SHQ1: variants seen among roughly 807,000 people sequenced by gnomAD.
SHQ1 encodes the protein protein SHQ1 homolog.
SHQ1 carries 49 observed loss-of-function variants against 53.8 expected under a neutral mutation model. The observed-to-expected ratio is 0.91, with a 90% CI of 0.72 to 1.16. The LOEUF (loss-of-function observed/expected upper bound fraction) is 1.16, where lower values mean the gene tolerates loss of function less well. SHQ1 is among the 50% of genes most tolerant of loss of function. The probability of loss-of-function intolerance (pLI) is 0.00; values close to 1 mark genes in which losing one functional copy is unlikely to be tolerated. For synonymous variants in SHQ1, 243 were observed against 251.0 expected (o/e 0.97, Z 0.30); for missense variants, 738 against 683.1 (o/e 1.08, Z -0.90).
At chr3:72,844,588 A>G in intron 1 of SHQ1, 165 bp from the exon 2 acceptor site, 1 of 676,018 alleles carries the variant, frequency 1.5e-6, no homozygotes, top group Non-Finnish European at 2.7e-6. Flanking sequence ...TCTTTCCCCA[A>G]CCAAGAAAGT....
At chr3:72,844,221 T>C (rs1435406826) in intron 2 of SHQ1, 138 bp downstream of exon 2, 6 of 700,810 alleles carry the variant, frequency 8.6e-6, no homozygotes, top group South Asian at 7.7e-5. Flanking sequence ...CACTGGACAC[T>C]AAGAAACAAG....
intron 9 of SHQ1, among the ~76,000 whole-genome samples, chr3:72,798,875 T>C (rs2106816235): frequency 6.6e-6 from 1 of 152,348 alleles, no homozygotes; most frequent in South Asian, 2.1e-4. Flanking sequence ...TCTTTTCAAC[T>C]GCTGGTACAT....
At chr3:72,779,433 T>C (rs1309340445) in intron 10 of SHQ1, among the ~76,000 whole-genome samples, 2 of 152,228 alleles carry the variant, frequency 1.3e-5, no homozygotes, top group Non-Finnish European at 2.9e-5. Flanking sequence ...CAGCCATCTC[T>C]CGTGGCAGTA....
At chr3:72,823,834 T>C (rs867282092) in intron 6 of SHQ1, among the ~76,000 whole-genome samples, 4 of 152,248 alleles carry the variant, frequency 2.6e-5, no homozygotes, top group South Asian at 2.1e-4. Context: ...TACATATATA[T>C]GTATTCTTTC....
chr3:72,773,750 T>C (rs999993095), intron 10 of SHQ1, among the ~76,000 whole-genome samples: 6 of 152,134 alleles, frequency 3.9e-5, no homozygotes. Flanking sequence ...TGAGTCAATG[T>C]GGAGTAGGGA....
intron 10 of SHQ1, chr3:72,752,993 G>A: frequency 2.0e-6 from 2 of 985,368 alleles, no homozygotes; most frequent in Non-Finnish European, 2.4e-6. Context: ...TTACCTGCTA[G>A]ATTTATAATA....
chr3:72,835,980 G>A (rs2106938608), intron 4 of SHQ1, among the ~76,000 whole-genome samples: 1 of 152,272 alleles, frequency 6.6e-6, no homozygotes, highest in South Asian at 2.1e-4. Context: ...TCACTAGAAT[G>A]TTCTCTGAGG....
At chr3:72,829,452 A>G (rs1288843115) in intron 5 of SHQ1, among the ~76,000 whole-genome samples, 1 of 152,254 alleles carries the variant, frequency 6.6e-6, no homozygotes, top group African/African-American at 2.4e-5. Context: ...TGTCTTTGGT[A>G]TCTATGACAC....
At chr3:72,789,992 A>C (rs185408178) in intron 10 of SHQ1, among the ~76,000 whole-genome samples, 1 of 152,224 alleles carries the variant, frequency 6.6e-6, no homozygotes, top group Admixed American at 6.5e-5. Context: ...CCTATCTCTT[A>C]TAAGACATAT....
intron 2 of SHQ1, among the ~76,000 whole-genome samples, chr3:72,843,922 A>T (rs1708251974): frequency 6.6e-6 from 1 of 152,362 alleles, no homozygotes; most frequent in South Asian, 2.1e-4. Flanking sequence ...TCATGAGGAG[A>T]AAATTCAATT....
chr3:72,841,127 T>C lies in SHQ1; in HGVS notation c.404A>G (p.Glu135Gly), dbSNP rs1708168072. ...ATTCAAAGCACTTTCTGATACCTCT[T>C]CACAGGGTGTCTGCTCAATTTCCCA... ...FDWEIEQTPC[E>G]EVSESALNPQ... Residue 135 changes from glutamate to glycine, a missense_variant, in exon 4 of 11, where the codon GAA becomes GGA. By Grantham distance (98) the Glu-to-Gly change is moderately conservative (BLOSUM62 -2). Transcript: ENST00000325599. 2 of 1,613,940 alleles carry C rather than the reference T, an allele frequency of 1.2e-6. No individual in the cohort carries two copies. The highest frequency in any genetic ancestry group is 1.7e-6 in the Non-Finnish European group (2 of 1,179,960).
chr3:72,803,373 GCAT>G (rs776146700), intron 9 of SHQ1, among the ~76,000 whole-genome samples: 1 of 152,058 alleles, frequency 6.6e-6, no homozygotes, highest in Non-Finnish European at 1.5e-5. Flanking sequence ...TTAAACCCTA[GCAT>G]CCTTATTCAT....
rs574938027 is a variant in SHQ1, at chr3:72,775,015, TGA to T, written c.1181+17899_1181+17900del. 5.7e-4 allele frequency among the ~76,000 whole-genome samples: 86 copies of T among 152,180 alleles called. No homozygotes were observed. In the East Asian group the frequency reaches 0.016, roughly 28 times the overall value. On this transcript the variant is annotated intron_variant, in intron 10 of 10. Coordinates refer to ENST00000325599, the MANE Select transcript of SHQ1 (RefSeq NM_018130.3). ...CTGTAATCCCAGCTACTCGGGAAGC[TGA>T]GACAGGAGAATCGCTTGAACCAGGG...
chr3:72,780,747 T>A (rs1440702343), intron 10 of SHQ1, among the ~76,000 whole-genome samples: 2 of 152,222 alleles, frequency 1.3e-5, no homozygotes, highest in African/African-American at 4.8e-5. Flanking sequence ...CCTTTCACTC[T>A]GTCACTTAAA....
chr3:72,761,720 T>C (rs373192814), intron 10 of SHQ1, among the ~76,000 whole-genome samples: 1 of 152,126 alleles, frequency 6.6e-6, no homozygotes, highest in Non-Finnish European at 1.5e-5. Flanking sequence ...TTATCCCTAC[T>C]GGTAAAATAA....
chr3:72,787,277 CT>C (rs1276025340), intron 10 of SHQ1, among the ~76,000 whole-genome samples: 3 of 152,122 alleles, frequency 2.0e-5, no homozygotes, highest in Non-Finnish European at 4.4e-5. Context: ...TTCAAAAACA[CT>C]TTTTTTCTTT....
chr3:72,748,036 C>T (rs567529084), downstream of SHQ1, among the ~76,000 whole-genome samples: 9 of 151,114 alleles, frequency 6.0e-5, no homozygotes, highest in African/African-American at 1.9e-4. Flanking sequence ...GTCCTCAGTA[C>T]GCACACTGGG....
rs113878056 is a variant in SHQ1 at position 72,764,925 on chromosome 3, T to C, written c.1182-14089A>G. Among the ~76,000 whole-genome samples, 55 of 152,354 alleles carry C rather than the reference T, an allele frequency of 3.6e-4. 1 individual carries two copies. The highest frequency in any genetic ancestry group is 1.2e-3 in the African/African-American group (49 of 41,576). On this transcript the variant is annotated intron_variant, in intron 10 of 10. Transcript: ENST00000325599. ...TTCCCCCTGTTCCTGGGTCAACTGT[T>C]GTGGTGAGGCATTGCTGACTTCACA...
At chr3:72,753,387 A>C in intron 10 of SHQ1, 4 of 985,436 alleles carry the variant, frequency 4.1e-6, no homozygotes, top group Non-Finnish European at 4.8e-6. Context: ...CAAAGATGGT[A>C]TTTTAATCTG....
Sources: allele counts gnomAD v4.1 joint callset (sites outside exome capture counted in the v4.1 genomes callset), GRCh38; gene constraint gnomAD v4.1.1; transcripts MANE v1.5; gene names NCBI Gene and HGNC (gene_info 2026-07-23, HGNC 2026-07-21).